Variants in DNAJC11 observed in about 807,000 individuals in gnomAD.
DNAJC11 encodes the protein DnaJ heat shock protein family (Hsp40) member C11.
In DNAJC11, 15 loss-of-function variants were observed where a neutral mutation model predicts 78.6. The observed-to-expected ratio is 0.19, with a 90% confidence interval of 0.13 to 0.29. The LOEUF (loss-of-function observed/expected upper bound fraction) is 0.29, where lower values mean the gene tolerates loss of function less well. Among genes scored for constraint, DNAJC11 ranks in the 10% least tolerant of loss-of-function variants. The pLI, the probability that DNAJC11 is intolerant of heterozygous loss-of-function variation, is 1.00. For missense variants in DNAJC11, 547 were observed against 709.6 expected, an observed-to-expected ratio of 0.77 and a Z score of 2.60; for synonymous variants, 292 against 272.1, an observed-to-expected ratio of 1.07 and a Z score of -0.72.
chr1:6,650,319 G>A (rs1192490731), intron 7 of DNAJC11, among the ~76,000 whole-genome samples: 1 of 148,730 alleles, frequency 6.7e-6, no homozygotes, highest in Non-Finnish European at 1.5e-5. Flanking sequence ...TAATCTCAGT[G>A]CTTTGGGAGG....
chr1:6,636,279 C>T (rs1641766462), intron 14 of DNAJC11, 33 bp from the exon 15 acceptor site: 1 of 1,611,288 alleles, frequency 6.2e-7, no homozygotes, highest in Non-Finnish European at 8.5e-7. Flanking sequence ...CTCAATACTC[C>T]AGACGGTCTA....
At chr1:6,685,093 C>T (rs1445205401) in intron 1 of DNAJC11, among the ~76,000 whole-genome samples, 3 of 152,136 alleles carry the variant, frequency 2.0e-5, no homozygotes, top group Admixed American at 6.5e-5. Context: ...AGCAACATAG[C>T]GAGATCCTGA....
intron 1 of DNAJC11, among the ~76,000 whole-genome samples, chr1:6,700,874 A>G (rs565219774): frequency 6.6e-6 from 1 of 152,310 alleles, no homozygotes; most frequent in South Asian, 2.1e-4. Context: ...ATCGGCTTAA[A>G]GAAACTGATC....
intron 3 of DNAJC11, among the ~76,000 whole-genome samples, chr1:6,677,984 A>G (rs1416451177): frequency 6.6e-6 from 1 of 152,238 alleles, no homozygotes; most frequent in African/African-American, 2.4e-5. Flanking sequence ...GCAATTATTC[A>G]GAACTGAGGT....
At chr1:6,652,095 A>G (rs1459662479) in intron 6 of DNAJC11, among the ~76,000 whole-genome samples, 4 of 152,164 alleles carry the variant, frequency 2.6e-5, no homozygotes, top group African/African-American at 4.8e-5. Context: ...CCACACCCGC[A>G]CAGCCTTGGA....
chr1:6,661,757 C>T (rs1482396790), intron 4 of DNAJC11, among the ~76,000 whole-genome samples: 1 of 152,198 alleles, frequency 6.6e-6, no homozygotes, highest in African/African-American at 2.4e-5. Flanking sequence ...CAGGCAGTTT[C>T]ATGACATCAG....
intron 1 of DNAJC11, among the ~76,000 whole-genome samples, chr1:6,700,860 A>AC (rs1642913581): frequency 6.6e-6 from 1 of 152,142 alleles, no homozygotes; most frequent in Non-Finnish European, 1.5e-5. Flanking sequence ...AAAAGTCTGG[A>AC]CCCATCGGCT....
At position 6,651,534 on chromosome 1, in the gene DNAJC11, T is replaced by C. The variant is rs1317419433; in HGVS notation, c.699A>G (p.Pro233=). ...FGLKLFRNLT[P]RCFVTTNCAL... is the part of the protein sequence containing the mutation. Reference sequence around the variant, plus strand: ...CTGCTGTCTCTCATATTTACCATCTTGGTGTGAGATTACGGAACAGCTTGA... The same window carrying C: ...CTGCTGTCTCTCATATTTACCATCTCGGTGTGAGATTACGGAACAGCTTGA... Residue 233 remains proline (P), a synonymous_variant, in exon 7 of 16, where the codon CCA becomes CCG. Coordinates refer to ENST00000377577, the MANE Select transcript of DNAJC11 (RefSeq NM_018198.4). 1 of 1,613,876 alleles carries C rather than the reference T, an allele frequency of 6.2e-7. No individual in the cohort carries two copies. The highest frequency in any genetic ancestry group is 1.3e-5 in the African/African-American group (1 of 75,060).
intron 1 of DNAJC11, among the ~76,000 whole-genome samples, chr1:6,687,651 C>G (rs944354308): frequency 1.3e-5 from 2 of 152,150 alleles, no homozygotes; most frequent in Non-Finnish European, 2.9e-5. Flanking sequence ...GCCACTGTGC[C>G]CGGCCACAGT....
chr1:6,652,928 T>C lies in DNAJC11; in HGVS notation c.531A>G (p.Thr177=), dbSNP rs1642077360. 1 of 1,614,062 alleles carries C rather than the reference T, an allele frequency of 6.2e-7. No homozygotes were observed. Among genetic ancestry groups the C allele is most frequent in the Non-Finnish European group, 8.5e-7 (1 of 1,180,030 alleles). The part of the protein sequence containing the change: ...SIEAPLTATD[T]AILSGSLSTQ... ...TTGAGAGGCTTCCAGAGAGGATGGC[T>C]GTGTCTGTCGCTGTCAAGGGTGCCT... Residue 177 remains threonine, a synonymous_variant, in exon 6 of 16, where the codon ACA becomes ACG. Coordinates refer to ENST00000377577, the MANE Select transcript of DNAJC11 (RefSeq NM_018198.4).
intron 6 of DNAJC11, among the ~76,000 whole-genome samples, chr1:6,652,308 A>T (rs1642068381): frequency 1.3e-5 from 2 of 152,346 alleles, no homozygotes; most frequent in South Asian, 4.1e-4. Context: ...CTCAAAGGGA[A>T]CAAACACACG....
At chr1:6,676,429 C>T (rs1347645828) in intron 3 of DNAJC11, among the ~76,000 whole-genome samples, 3 of 152,166 alleles carry the variant, frequency 2.0e-5, no homozygotes, top group African/African-American at 2.4e-5. Context: ...CCTGTAATCC[C>T]GGCGCTTTGG....
chr1:6,635,793 G>A (rs1348274308), intron 15 of DNAJC11, 93 bp from the exon 16 acceptor site: 4 of 1,484,150 alleles, frequency 2.7e-6, no homozygotes, highest in East Asian at 4.5e-5. Flanking sequence ...CGGACCAGCA[G>A]CTGGCTGGGC....
intron 4 of DNAJC11, among the ~76,000 whole-genome samples, chr1:6,658,174 C>T (rs1455372208): frequency 2.0e-5 from 3 of 152,078 alleles, no homozygotes; most frequent in South Asian, 2.1e-4. Flanking sequence ...CTGAGGGCTC[C>T]GGGATGCCAC....
At chr1:6,649,920 G>A (rs1459551554) in intron 7 of DNAJC11, among the ~76,000 whole-genome samples, 1 of 151,866 alleles carries the variant, frequency 6.6e-6, no homozygotes, top group East Asian at 1.9e-4. Context: ...TGGCCAGGCT[G>A]GTCTCGAACT....
At chr1:6,648,781 TG>T (rs2148731741) in intron 7 of DNAJC11, among the ~76,000 whole-genome samples, 1 of 152,238 alleles carries the variant, frequency 6.6e-6, no homozygotes, top group African/African-American at 2.4e-5. Flanking sequence ...AACCAGCATC[TG>T]GGGTGACCAA....
Position 6,634,366 on chromosome 1 carries a change from T to C in DNAJC11, c.*1309A>G. ...AACCTTTTTAAAAAATGGAGATGAA[T>C]GTTACAGAATTGGACAACCCGAACT... On this transcript the variant is annotated 3_prime_UTR_variant, in exon 16 of 16. Transcript: ENST00000377577. 9.0e-7 allele frequency: 1 copy of C among 1,107,596 alleles called. No homozygotes were observed. The highest frequency in any genetic ancestry group is 1.6e-5 in the African/African-American group (1 of 63,130). The allele number at this position is 1,107,596 out of a possible 1,614,324, so 68.6% of individuals were successfully genotyped here. A position where few individuals can be genotyped will look rare whatever the true frequency, so the allele number is the denominator to read the frequency against.
intron 4 of DNAJC11, among the ~76,000 whole-genome samples, chr1:6,661,368 C>T (rs1221500479): frequency 6.6e-6 from 1 of 152,180 alleles, no homozygotes; most frequent in East Asian, 1.9e-4. Flanking sequence ...CTGTCCTCCC[C>T]GTATAAACAG....
chr1:6,660,142 T>A (rs1052113683), intron 4 of DNAJC11, among the ~76,000 whole-genome samples: 2 of 149,170 alleles, frequency 1.3e-5, no homozygotes, highest in Non-Finnish European at 3.0e-5. Flanking sequence ...ACATCATTTC[T>A]CTCTCCTTCT....
Sources: allele counts gnomAD v4.1 joint callset (sites outside exome capture counted in the v4.1 genomes callset), GRCh38; gene constraint gnomAD v4.1.1; transcripts MANE v1.5; gene names NCBI Gene and HGNC (gene_info 2026-07-23, HGNC 2026-07-21).